TDRD5: variants seen among roughly 807,000 people sequenced by gnomAD.
TDRD5 encodes tudor domain containing 5, also known as tudor domain-containing protein 5.
Under a neutral mutation model 120.6 loss-of-function variants are expected in TDRD5, and 41 were observed. The ratio of observed to expected loss-of-function variants is 0.34; its 90% confidence interval spans 0.26 to 0.44. TDRD5 has a LOEUF of 0.44. Ranked by LOEUF, TDRD5 falls within the 20% of genes least tolerant of loss-of-function variation. The pLI is 1.00. For synonymous variants in TDRD5, 430 were observed against 433.7 expected, an observed-to-expected ratio of 0.99 and a Z score of 0.11; for missense variants, 1,006 against 1,221.2, an observed-to-expected ratio of 0.82 and a Z score of 2.63.
rs771953516 is a variant in TDRD5, at chr1:179,592,708, G to A, written c.93G>A (p.Leu31=). Residue 31 remains leucine (L), a synonymous_variant, in exon 2 of 18, where the codon TTG becomes TTA. Transcript: ENST00000444136. ...STKDGLSPQE[L]EKEYLLMVGN... is the part of the protein sequence containing the mutation. ...AAGATGGTTTGAGCCCACAGGAGTTGGAGAAGGAGTACCTTTTGATGGTTG... is the reference window on the plus strand; with the variant it reads ...AAGATGGTTTGAGCCCACAGGAGTTAGAGAAGGAGTACCTTTTGATGGTTG... The A allele has an allele frequency of 2.5e-6, 4 of 1,614,132 alleles. No homozygotes were observed. The highest frequency in any genetic ancestry group is 2.5e-6 in the Non-Finnish European group (3 of 1,180,018).
At chr1:179,602,649 T>C (rs530838935) in intron 4 of TDRD5, among the ~76,000 whole-genome samples, 70 of 152,252 alleles carry the variant, frequency 4.6e-4, no homozygotes, top group South Asian at 1.7e-3. Flanking sequence ...TTCCCCACTT[T>C]ATATTTTTGT....
chr1:179,649,930 G>C (rs915464667), intron 11 of TDRD5, among the ~76,000 whole-genome samples: 2 of 152,154 alleles, frequency 1.3e-5, no homozygotes, highest in Admixed American at 6.5e-5. Context: ...TTAACAACTT[G>C]AGGATGTGTA....
chr1:179,650,662 C>G (rs1053578757), intron 11 of TDRD5, among the ~76,000 whole-genome samples: 6 of 152,062 alleles, frequency 3.9e-5, no homozygotes, highest in African/African-American at 1.4e-4. Context: ...TAAATTTTTT[C>G]AGTAATTACA....
chr1:179,690,371 G>A (rs1681073461), intron 17 of TDRD5, among the ~76,000 whole-genome samples: 1 of 152,154 alleles, frequency 6.6e-6, no homozygotes, highest in Admixed American at 6.5e-5. Context: ...GCACTTATGG[G>A]CTCTTTGGGA....
chr1:179,661,329 G>C (rs1679303224), intron 14 of TDRD5, among the ~76,000 whole-genome samples: 1 of 151,030 alleles, frequency 6.6e-6, no homozygotes, highest in Non-Finnish European at 1.5e-5. Flanking sequence ...TATATCTTTT[G>C]GTATTGTTCC....
chr1:179,619,710 A>G (rs1199975322), intron 5 of TDRD5, among the ~76,000 whole-genome samples: 2 of 151,416 alleles, frequency 1.3e-5, no homozygotes, highest in Non-Finnish European at 2.9e-5. Context: ...GCAACCATCA[A>G]CTCTGGGCTC....
At chr1:179,657,227 T>C (rs1004829133) in intron 14 of TDRD5, among the ~76,000 whole-genome samples, 1 of 152,186 alleles carries the variant, frequency 6.6e-6, no homozygotes, top group Non-Finnish European at 1.5e-5. Flanking sequence ...TTGAGGAAAG[T>C]TGATGCTTTA....
At chr1:179,651,281 T>A (rs1179177053) in intron 12 of TDRD5, among the ~76,000 whole-genome samples, 1 of 152,188 alleles carries the variant, frequency 6.6e-6, no homozygotes, top group Non-Finnish European at 1.5e-5. Flanking sequence ...TGTGAATACT[T>A]CTATTTTAAA....
At chr1:179,608,292 T>TGA (rs1416129866) in intron 4 of TDRD5, among the ~76,000 whole-genome samples, 8 of 151,900 alleles carry the variant, frequency 5.3e-5, no homozygotes, top group Non-Finnish European at 8.8e-5. Flanking sequence ...TGAGATTCAT[T>TGA]GAGCTTCTTA....
rs576863561 is a variant in TDRD5, at chr1:179,671,818, A to G, written c.2860+2414A>G. ...CGTCCTCATAGCTTAGCTCCCACCTATGACTGAGAACATACGATATTTGGT... is the reference window on the plus strand; with the variant it reads ...CGTCCTCATAGCTTAGCTCCCACCTGTGACTGAGAACATACGATATTTGGT... On this transcript the variant is annotated intron_variant, in intron 17 of 17. Transcript: ENST00000444136. Among the ~76,000 whole-genome samples, 4 of 152,188 alleles carry G rather than the reference A, an allele frequency of 2.6e-5. No homozygotes were observed. The East Asian group carries it at 7.7e-4, about 29-fold the overall frequency.
Position 179,663,446 on chromosome 1 carries a change from A to G in TDRD5, c.2604A>G (p.Val868=), listed in dbSNP as rs764941265. 4 of 1,613,722 alleles carry G rather than the reference A, an allele frequency of 2.5e-6. No homozygotes were observed. Among genetic ancestry groups the G allele is most frequent in the Non-Finnish European group, 3.4e-6 (4 of 1,179,856 alleles). The part of the protein sequence containing the change: ...GTKVEVHKPE[V]LGAQEKNTGT... ...AAGTAGAAGTTCATAAGCCAGAAGT[A>G]CTGGGTGCTCAGGAAAAAAATACTG... Residue 868 remains valine (V), a synonymous_variant, in exon 16 of 18, where the codon GTA becomes GTG. Coordinates refer to ENST00000444136, the MANE Select transcript of TDRD5 (RefSeq NM_001199085.3).
intron 11 of TDRD5, among the ~76,000 whole-genome samples, chr1:179,643,629 C>CA (rs1678171982): frequency 5.1e-5 from 1 of 19,502 alleles, no homozygotes; most frequent in Non-Finnish European, 8.3e-4. Flanking sequence ...AAAAACAGAT[C>CA]AAAAGAATTA....
chr1:179,593,558 A>G lies in TDRD5; in HGVS notation c.331A>G (p.Ile111Val), dbSNP rs1183602756. The change falls in exon 3 of 18, where the codon ATT becomes GTT. Residue 111 changes from isoleucine to valine, a missense_variant. Coordinates refer to ENST00000444136, the MANE Select transcript of TDRD5 (RefSeq NM_001199085.3). ...RNSMHKGRPS[I>V]YSGPRSHRRV... ...CTCAATGCATAAGGGAAGACCTAGT[A>G]TTTATTCTGGACCGAGATCTCATCG... The G allele has an allele frequency of 2.5e-6, 4 of 1,614,244 alleles. No homozygotes were observed. The highest frequency in any genetic ancestry group is 3.3e-5 in the Admixed American group (2 of 60,030).
intron 4 of TDRD5, among the ~76,000 whole-genome samples, chr1:179,600,851 C>G (rs1424546749): frequency 6.6e-6 from 1 of 152,138 alleles, no homozygotes; most frequent in African/African-American, 2.4e-5. Flanking sequence ...TCAAAATTTA[C>G]TAATCTCCCT....
chr1:179,624,371 C>A (rs990332969), intron 6 of TDRD5, among the ~76,000 whole-genome samples: 5 of 152,078 alleles, frequency 3.3e-5, no homozygotes, highest in Non-Finnish European at 7.4e-5. Context: ...AAATCTGGAA[C>A]AAGGTAAGTA....
At chr1:179,660,378 C>G (rs1007277683) in intron 14 of TDRD5, among the ~76,000 whole-genome samples, 5 of 151,888 alleles carry the variant, frequency 3.3e-5, no homozygotes, top group Admixed American at 2.6e-4. Flanking sequence ...CACCAGCACA[C>G]CTGGCTAATT....
chr1:179,672,933 C>T (rs1679931957), intron 17 of TDRD5, among the ~76,000 whole-genome samples: 1 of 152,082 alleles, frequency 6.6e-6, no homozygotes, highest in Non-Finnish European at 1.5e-5. Flanking sequence ...TTTGGGTTCC[C>T]TATTCTGTTC....
At chr1:179,681,159 G>T (rs534770171) in intron 17 of TDRD5, among the ~76,000 whole-genome samples, 2 of 152,142 alleles carry the variant, frequency 1.3e-5, no homozygotes, top group African/African-American at 2.4e-5. Flanking sequence ...CTCATTGCAG[G>T]CTCAACCGCC....
At chr1:179,669,607 T>G (rs180695140) in intron 17 of TDRD5, among the ~76,000 whole-genome samples, 1 of 152,236 alleles carries the variant, frequency 6.6e-6, no homozygotes, top group African/African-American at 2.4e-5. Flanking sequence ...CACTTTTGTT[T>G]TTTTGCCGGA....
Sources: gnomAD v4.1 joint callset for allele counts (sites outside exome capture counted in the v4.1 genomes callset) on GRCh38, gnomAD v4.1.1 for gene constraint, MANE v1.5 for transcripts, NCBI Gene and HGNC (gene_info 2026-07-23, HGNC 2026-07-21) for gene names.